Variants in PDE4D observed in about 807,000 individuals in gnomAD.
The protein encoded by PDE4D is 3',5'-cyclic-AMP phosphodiesterase 4D.
PDE4D carries 24 observed loss-of-function variants against 87.4 expected under a neutral mutation model. That is an observed-to-expected ratio of 0.27 (90% CI 0.20 to 0.39). PDE4D has a LOEUF of 0.39. Ranked by LOEUF, PDE4D falls within the 10% of genes least tolerant of loss-of-function variation. The probability of loss-of-function intolerance (pLI) is 1.00; values close to 1 mark genes in which losing one functional copy is unlikely to be tolerated. For synonymous variants in PDE4D, 384 were observed against 383.2 expected (o/e 1.00, Z -0.02); for missense variants, 714 against 1,041.0 (o/e 0.69, Z 4.32).
intron 2 of PDE4D, among the ~76,000 whole-genome samples, chr5:59,992,893 C>T (rs1169721371): frequency 1.3e-5 from 2 of 152,080 alleles, no homozygotes; most frequent in Admixed American, 6.5e-5. Flanking sequence ...TTTTCACACT[C>T]TAGATCAATG....
intron 1 of PDE4D, among the ~76,000 whole-genome samples, chr5:59,404,181 C>G (rs539562938): frequency 6.6e-6 from 1 of 152,108 alleles, no homozygotes; most frequent in Non-Finnish European, 1.5e-5. Flanking sequence ...AGTTGAGCTC[C>G]TAATATATTC....
chr5:60,209,555 G>A (rs1176065416), intron 1 of PDE4D, among the ~76,000 whole-genome samples: 1 of 152,148 alleles, frequency 6.6e-6, no homozygotes, highest in African/African-American at 2.4e-5. Flanking sequence ...ATGGTAAAAT[G>A]TCATCATTAT....
intron 1 of PDE4D, among the ~76,000 whole-genome samples, chr5:60,417,330 C>G (rs1469829264): frequency 6.6e-6 from 1 of 152,202 alleles, no homozygotes; most frequent in African/African-American, 2.4e-5. Context: ...TGCTTGAGTT[C>G]AGATCCTACA....
chr5:60,123,408 G>A (rs1272639789), intron 2 of PDE4D, among the ~76,000 whole-genome samples: 1 of 152,144 alleles, frequency 6.6e-6, no homozygotes, highest in Non-Finnish European at 1.5e-5. Context: ...ATGGCAGGAG[G>A]CAAAAGGTAC....
chr5:60,388,858 C>G (rs551670969), intron 1 of PDE4D, among the ~76,000 whole-genome samples: 1 of 152,118 alleles, frequency 6.6e-6, no homozygotes, highest in Non-Finnish European at 1.5e-5. Flanking sequence ...AACACCACAG[C>G]GACCTAATTA....
intron 1 of PDE4D, among the ~76,000 whole-genome samples, chr5:60,493,513 GAAGA>G (rs1250761493): frequency 6.6e-6 from 1 of 152,198 alleles, no homozygotes; most frequent in Admixed American, 6.5e-5. Context: ...AGAAGCAGCA[GAAGA>G]AAGAACAGAG....
intron 1 of PDE4D, among the ~76,000 whole-genome samples, chr5:60,255,576 T>G (rs1261186678): frequency 6.6e-6 from 1 of 151,906 alleles, no homozygotes; most frequent in Non-Finnish European, 1.5e-5. Flanking sequence ...TCTATGAGCC[T>G]CAATTTTCCC....
intron 1 of PDE4D, among the ~76,000 whole-genome samples, chr5:59,850,422 T>TAAG (rs1317244261): frequency 1.3e-5 from 2 of 152,046 alleles, no homozygotes. Flanking sequence ...AGGGTTGTTA[T>TAAG]AAGAATAAAA....
intron 1 of PDE4D, among the ~76,000 whole-genome samples, chr5:59,514,322 G>A (rs1271345600): frequency 1.3e-5 from 2 of 151,992 alleles, no homozygotes; most frequent in Non-Finnish European, 2.9e-5. Flanking sequence ...AGCCAGGATG[G>A]TCTCGATCTC....
At chr5:60,177,027 T>G (rs1459421845) in intron 2 of PDE4D, among the ~76,000 whole-genome samples, 1 of 152,136 alleles carries the variant, frequency 6.6e-6, no homozygotes, top group Non-Finnish European at 1.5e-5. Context: ...TGTCCTGTAA[T>G]GCCAGAAATG....
intron 2 of PDE4D, among the ~76,000 whole-genome samples, chr5:60,062,043 A>G (rs1052296182): frequency 6.6e-6 from 1 of 152,210 alleles, no homozygotes; most frequent in African/African-American, 2.4e-5. Flanking sequence ...AAGCAATCAC[A>G]ACAAAAGCTA....
intron 1 of PDE4D, among the ~76,000 whole-genome samples, chr5:59,741,102 T>C (rs1758763025): frequency 1.3e-5 from 2 of 152,244 alleles, no homozygotes; most frequent in South Asian, 4.1e-4. Context: ...GACAAGCTCT[T>C]CCCAATCTCC....
chr5:60,371,113 C>G (rs1161707979), intron 1 of PDE4D, among the ~76,000 whole-genome samples: 1 of 152,188 alleles, frequency 6.6e-6, no homozygotes, highest in Non-Finnish European at 1.5e-5. Context: ...GCTGAACTAA[C>G]AGGCAAAAAT....
chr5:59,005,919 C>T (rs1751512581), intron 6 of PDE4D, among the ~76,000 whole-genome samples: 1 of 152,164 alleles, frequency 6.6e-6, no homozygotes, highest in East Asian at 1.9e-4. Flanking sequence ...TATCCTCAAT[C>T]TTTTTGCTAA....
intron 1 of PDE4D, among the ~76,000 whole-genome samples, chr5:59,813,847 T>C (rs1334887109): frequency 6.6e-6 from 1 of 152,164 alleles, no homozygotes. Flanking sequence ...ATTGCAACCA[T>C]CATCTTGGCC....
chr5:60,221,536 T>C (rs1467999703), intron 1 of PDE4D, among the ~76,000 whole-genome samples: 1 of 152,134 alleles, frequency 6.6e-6, no homozygotes, highest in East Asian at 1.9e-4. Flanking sequence ...ATAAGTGTAC[T>C]GTTGAGTTGA....
At chr5:60,081,584 T>C (rs1231320660) in intron 2 of PDE4D, among the ~76,000 whole-genome samples, 6 of 152,178 alleles carry the variant, frequency 3.9e-5, no homozygotes, top group South Asian at 2.1e-4. Flanking sequence ...GATTCTGGTA[T>C]GTTGTCTCTT....
intron 2 of PDE4D, among the ~76,000 whole-genome samples, chr5:60,108,056 A>C (rs1214259020): frequency 6.6e-6 from 1 of 152,148 alleles, no homozygotes; most frequent in African/African-American, 2.4e-5. Flanking sequence ...TTAGGAAAAG[A>C]GGAAGTCAAA....
At chr5:59,736,929 T>G (rs1758153078) in intron 1 of PDE4D, among the ~76,000 whole-genome samples, 2 of 152,166 alleles carry the variant, frequency 1.3e-5, no homozygotes, top group Admixed American at 1.3e-4. Context: ...TTCAAACATT[T>G]AATACAAAAG....
Sources: allele counts gnomAD v4.1 joint callset (sites outside exome capture counted in the v4.1 genomes callset), GRCh38; gene constraint gnomAD v4.1.1; transcripts MANE v1.5; gene names NCBI Gene and HGNC (gene_info 2026-07-23, HGNC 2026-07-21).